ZNF331: variants seen among roughly 807,000 people sequenced by gnomAD.
The protein encoded by ZNF331 is zinc finger protein 331.
In ZNF331, 2 loss-of-function variants were observed where a neutral mutation model predicts 7.0. The ratio of observed to expected loss-of-function variants is 0.29; its 90% CI spans 0.12 to 0.90. The LOEUF (loss-of-function observed/expected upper bound fraction) is 0.90, where lower values mean the gene tolerates loss of function less well. ZNF331 is among the 40% of genes least tolerant of loss of function. ZNF331 has a pLI of 0.58. For missense variants in ZNF331, 432 were observed against 587.7 expected (o/e 0.74, Z 2.74); for synonymous variants, 196 against 205.4 (o/e 0.95, Z 0.39).
At chr19:53,540,903 A>G (rs1238215553) in intron 2 of ZNF331, among the ~76,000 whole-genome samples, 7 of 152,170 alleles carry the variant, frequency 4.6e-5, no homozygotes, top group African/African-American at 1.4e-4. Flanking sequence ...CCCTCTTCTC[A>G]TTTTGAGGAC....
chr19:53,535,534 A>C (rs73049596), upstream of ZNF331, among the ~76,000 whole-genome samples: 11,033 of 152,130 alleles, frequency 0.073, 528 homozygotes, highest in Non-Finnish European at 0.11. Context: ...TGAGGCAAAA[A>C]CTCTCCAAAT....
At chr19:53,567,209 T>C (rs1436097124) in intron 3 of ZNF331, among the ~76,000 whole-genome samples, 1 of 152,194 alleles carries the variant, frequency 6.6e-6, no homozygotes, top group East Asian at 1.9e-4. Context: ...TGCTCTCAGA[T>C]GTCACCTCTG....
At position 53,524,142 on chromosome 19, in the gene ZNF331, T is replaced by G. The variant is rs2147236245; in HGVS notation, c.-205+1458T>G. 2.0e-5 allele frequency among the ~76,000 whole-genome samples: 3 copies of G among 152,354 alleles called. No individual in the cohort carries two copies. The Middle Eastern group carries it at 0.01, about 518-fold the overall frequency. ...TAATCCATGGTGTATATGTGCCACA[T>G]TTTCTTAATCCAGTCTGTCATTGAT... is the stretch of plus-strand genomic sequence containing the variant. On this transcript the variant is annotated intron_variant, in intron 2 of 6. Coordinates refer to the ZNF331 transcript ENST00000253144.
In ZNF331 at chr19:53,558,782, G is replaced by A. The variant is rs190850124; in HGVS notation, c.-74+2874G>A. 2.0e-5 allele frequency among the ~76,000 whole-genome samples: 3 copies of A among 151,650 alleles called. No individual in the cohort carries two copies. The highest frequency in any genetic ancestry group is 7.3e-5 in the African/African-American group (3 of 41,158). ...ATGGAATTATGAGCCAGGAACCATG[G>A]ACAAGAACATACAGACACACTCATA... is the stretch of plus-strand genomic sequence containing the variant. On this transcript the variant is annotated intron_variant, in intron 3 of 5. Transcript: ENST00000449416. This position sits in a 1 kb window ranked among gnomAD's most constrained non-coding sequence, Gnocchi z 4.5.
the ZNF331 span, among the ~76,000 whole-genome samples, chr19:53,505,893 G>A: frequency 6.6e-6 from 1 of 152,114 alleles, no homozygotes; most frequent in East Asian, 1.9e-4. Context: ...GCTGGGGCAG[G>A]AGAATCACTT....
At chr19:53,544,758 GA>G (rs2088477530) in intron 2 of ZNF331, among the ~76,000 whole-genome samples, 1 of 151,672 alleles carries the variant, frequency 6.6e-6, no homozygotes, top group South Asian at 2.1e-4. Flanking sequence ...TTTTGAGACG[GA>G]GTCTTTCTCT....
At chr19:53,555,540 T>C (rs1448643346) in intron 2 of ZNF331, 2 of 152,498 alleles carry the variant, frequency 1.3e-5, no homozygotes, top group East Asian at 3.9e-4. Context: ...GCCTGAGCCC[T>C]GCCAGGAAAT....
At chr19:53,564,074 C>CT (rs1205257105) in intron 3 of ZNF331, among the ~76,000 whole-genome samples, 1,514 of 94,616 alleles carry the variant, frequency 0.016, 51 homozygotes, top group South Asian at 0.044. Context: ...AGCCTGCATT[C>CT]TTTTTTTTTT....
exon 1 of ZNF331, chr19:53,521,254 G>T (rs952547676): frequency 1.3e-5 from 2 of 152,538 alleles, no homozygotes; most frequent in African/African-American, 4.8e-5. Flanking sequence ...AGCCACTCGG[G>T]ACGCGGAGGC....
the ZNF331 span, among the ~76,000 whole-genome samples, chr19:53,506,498 CTCTCTCTCTG>C: frequency 7.1e-6 from 1 of 140,416 alleles, no homozygotes; most frequent in African/African-American, 3.0e-5. Context: ...CTCTCTCTCT[CTCTCTCTCTG>C]TCTCTCTCTC....
chr19:53,571,631 A>G lies in ZNF331; in HGVS notation c.37A>G (p.Ile13Val), dbSNP rs541739924. 3.2e-5 allele frequency: 51 copies of G among 1,614,088 alleles called. 1 individual carries two copies. In the South Asian group the frequency reaches 4.7e-4, roughly 15 times the overall value. The change falls in exon 5 of 6, where the codon ATA becomes GTA. Residue 13 changes from isoleucine to valine, a missense_variant. Ile to Val is a conservative substitution (Grantham distance 29). Transcript: ENST00000449416. The surrounding 1 kb of genome is among the most constrained non-coding windows in gnomAD (Gnocchi z 4.7). ...TTTGGTGACGTTCGCCGACGTAGCC[A>G]TAGACTTTTCTCAGGAGGAGTGGGC... ...QGLVTFADVAIDFSQEEWACL... is the reference protein window; with the variant it reads ...QGLVTFADVAVDFSQEEWACL...
At position 53,560,847 on chromosome 19, in the gene ZNF331, C is replaced by G. The variant is rs1209469862; in HGVS notation, c.-74+4939C>G. Among the ~76,000 whole-genome samples the G allele has an allele frequency of 6.6e-6, 1 of 152,168 alleles. No homozygotes were observed. The highest frequency in any genetic ancestry group is 2.4e-5 in the African/African-American group (1 of 41,440). On this transcript the variant is annotated intron_variant, in intron 3 of 5. Coordinates refer to ENST00000449416, the MANE Select transcript of ZNF331 (RefSeq NM_001079906.2). This position sits in a 1 kb window ranked among gnomAD's most constrained non-coding sequence, Gnocchi z 4.3. Reference sequence around the variant, plus strand: ...TGCTTCTATAACTCAAGAGAATCTTCCGTATGTTAGAGGCAGCCGATTAGC... The same window carrying G: ...TGCTTCTATAACTCAAGAGAATCTTGCGTATGTTAGAGGCAGCCGATTAGC...
the ZNF331 span, among the ~76,000 whole-genome samples, chr19:53,508,087 G>A: frequency 6.6e-6 from 1 of 152,170 alleles, no homozygotes; most frequent in African/African-American, 2.4e-5. Flanking sequence ...AGTTGCATCC[G>A]TGATTTAGGA....
At chr19:53,530,411 G>A (rs940447131) in intron 2 of ZNF331, among the ~76,000 whole-genome samples, 10 of 151,980 alleles carry the variant, frequency 6.6e-5, no homozygotes, top group South Asian at 2.1e-4. Flanking sequence ...AGATTTAGAC[G>A]GGGCAAGTAT....
Position 53,539,714 on chromosome 19 carries a change from C to T in ZNF331, c.-138+432C>T, listed in dbSNP as rs890144821. Among the ~76,000 whole-genome samples the T allele has an allele frequency of 9.9e-5, 15 of 152,114 alleles. No individual in the cohort carries two copies. The highest frequency in any genetic ancestry group is 2.1e-4 in the South Asian group (1 of 4,824). On this transcript the variant is annotated intron_variant, in intron 2 of 5. Coordinates refer to ENST00000449416, the MANE Select transcript of ZNF331 (RefSeq NM_001079906.2). The surrounding 1 kb of genome is among the most constrained non-coding windows in gnomAD (Gnocchi z 6.1). ...ATTATCAGTGTTAGTGTATCTGTCC[C>T]CCACCACCACCACCCTAAGGAGATA...
rs1490286106 is a variant in ZNF331, at chr19:53,571,783, C to G, written c.136+53C>G. On this transcript the variant is annotated intron_variant, in intron 5 of 5. Transcript: ENST00000449416. This position sits in a 1 kb window ranked among gnomAD's most constrained non-coding sequence, Gnocchi z 4.7. ...ACTGCCTCCTGGAATATCCGCTCTC[C>G]CCTGTGAATTTCAGGACCGCCTTTC... is the stretch of plus-strand genomic sequence containing the variant. 1 of 1,540,708 alleles carries G rather than the reference C, an allele frequency of 6.5e-7. No individual in the cohort carries two copies. The highest frequency in any genetic ancestry group is 2.3e-5 in the East Asian group (1 of 43,570).
chr19:53,527,846 A>G (rs186796142), intron 2 of ZNF331, among the ~76,000 whole-genome samples: 1 of 106,810 alleles, frequency 9.4e-6, no homozygotes, highest in Non-Finnish European at 1.9e-5. Context: ...TAATCCCATG[A>G]CAGCAGATTA....
the ZNF331 span, among the ~76,000 whole-genome samples, chr19:53,506,460 CTCTCTCTCTCTCTCTCTCTCTGTCTG>C: frequency 1.5e-5 from 2 of 131,390 alleles, no homozygotes; most frequent in Non-Finnish European, 1.6e-5. Context: ...CTCTCTCTCT[CTCTCTCTCTCTCTCTCTCTCTGTCTG>C]TCTCTCTCTC....
At chr19:53,559,442 A>G (rs1209624430) in intron 3 of ZNF331, among the ~76,000 whole-genome samples, 1 of 148,872 alleles carries the variant, frequency 6.7e-6, no homozygotes, top group Non-Finnish European at 1.5e-5. Flanking sequence ...CCATATATAC[A>G]TATATACACA....
Sources: allele counts gnomAD v4.1 joint callset (sites outside exome capture counted in the v4.1 genomes callset), GRCh38; gene constraint gnomAD v4.1.1; non-coding constraint Gnocchi (gnomAD v3.1); transcripts MANE v1.5; gene names NCBI Gene and HGNC (gene_info 2026-07-23, HGNC 2026-07-21).